Variants in MTO1 observed in about 807,000 individuals in gnomAD.
MTO1 encodes mitochondrial tRNA translation optimization 1.
A neutral mutation model predicts 71.6 loss-of-function variants in MTO1; 46 were observed. The ratio of observed to expected loss-of-function variants is 0.64; its 90% confidence interval spans 0.51 to 0.82. The LOEUF is 0.82. Among genes scored for constraint, MTO1 ranks in the 40% least tolerant of loss-of-function variants. The pLI is 0.00. For synonymous variants in MTO1, 297 were observed against 312.1 expected, an observed-to-expected ratio of 0.95 and a Z score of 0.51; for missense variants, 773 against 867.5, an observed-to-expected ratio of 0.89 and a Z score of 1.37.
intron 4 of MTO1, among the ~76,000 whole-genome samples, chr6:73,474,302 C>G (rs1289791400): frequency 6.6e-6 from 1 of 151,076 alleles, no homozygotes; most frequent in Non-Finnish European, 1.5e-5. Context: ...CCAGGCTGGT[C>G]TCGAACTCCT....
At position 73,462,000 on chromosome 6, in the gene MTO1, C is replaced by T. The variant is rs753822562; in HGVS notation, c.146C>T (p.Thr49Ile). Residue 49 changes from threonine (T) to isoleucine (I), a missense_variant, in exon 1 of 12, where the codon ACT becomes ATT. Thr to Ile is a moderately conservative substitution (Grantham distance 89). Coordinates refer to ENST00000498286, the MANE Select transcript of MTO1 (RefSeq NM_012123.4). ...GTCATTGGTGGAGGACATGCCGGGA[C>T]TGAGGCAGCCACCGCCGCCGCTCGG... is the stretch of plus-strand genomic sequence containing the variant. ...VIVIGGGHAG[T>I]EAATAAARCG... is the part of the protein sequence containing the mutation. 1.2e-5 allele frequency: 19 copies of T among 1,613,900 alleles called. No homozygotes were observed. The highest frequency in any genetic ancestry group is 1.6e-5 in the Non-Finnish European group (19 of 1,179,946).
At chr6:73,500,422 C>A in intron 11 of MTO1, 152 bp from the exon 12 acceptor site, 1 of 583,784 alleles carries the variant, frequency 1.7e-6, no homozygotes, top group Non-Finnish European at 2.6e-6. Context: ...CCTTTATCTA[C>A]TTTACAAGGA....
chr6:73,496,447 A>T lies in MTO1; in HGVS notation c.1757-1289A>T, dbSNP rs574293064. Reference sequence around the variant, plus strand: ...TTAAAATTTATAGCTCTATATGAAGATAATTTAAAAAACCATTTTCTTTTT... The same window carrying T: ...TTAAAATTTATAGCTCTATATGAAGTTAATTTAAAAAACCATTTTCTTTTT... On this transcript the variant is annotated intron_variant, in intron 10 of 11. Coordinates refer to ENST00000498286, the MANE Select transcript of MTO1 (RefSeq NM_012123.4). 4.6e-5 allele frequency among the ~76,000 whole-genome samples: 7 copies of T among 151,948 alleles called. No individual in the cohort carries two copies. The South Asian group carries it at 1.3e-3, about 27-fold the overall frequency.
At position 73,461,948 on chromosome 6, in the gene MTO1, C is replaced by T. The variant is rs372395838; in HGVS notation, c.94C>T (p.Pro32Ser). Residue 32 changes from proline to serine, a missense_variant, in exon 1 of 12, where the codon CCC (proline) becomes TCC (serine). Coordinates refer to ENST00000498286, the MANE Select transcript of MTO1 (RefSeq NM_012123.4). ...LARLSSDSAAPRTPHFDVIVI... is the reference protein window; with the variant it reads ...LARLSSDSAASRTPHFDVIVI... Reference sequence around the variant, plus strand: ...ACGGTTGAGCAGTGACAGCGCGGCGCCCCGGACTCCGCACTTCGACGTGAT... The same window carrying T: ...ACGGTTGAGCAGTGACAGCGCGGCGTCCCGGACTCCGCACTTCGACGTGAT... The T allele has an allele frequency of 5.1e-5, 83 of 1,614,140 alleles. No individual in the cohort carries two copies. Among genetic ancestry groups the T allele is most frequent in the Non-Finnish European group, 6.2e-5 (73 of 1,180,048 alleles).
intron 4 of MTO1, among the ~76,000 whole-genome samples, chr6:73,477,541 G>A (rs1771361546): frequency 1.4e-5 from 2 of 139,918 alleles, no homozygotes; most frequent in African/African-American, 2.7e-5. Context: ...GGATCTCACT[G>A]TGTTGCCCAG....
chr6:73,474,453 C>CT (rs935007056), intron 4 of MTO1, among the ~76,000 whole-genome samples: 11 of 151,882 alleles, frequency 7.2e-5, no homozygotes, highest in East Asian at 3.9e-4. Context: ...TCGTAAATTT[C>CT]TTTTTTTTGT....
chr6:73,465,316 G>T (rs1266402524), intron 1 of MTO1, among the ~76,000 whole-genome samples: 1 of 151,730 alleles, frequency 6.6e-6, no homozygotes, highest in Non-Finnish European at 1.5e-5. Flanking sequence ...GGTGCAAACT[G>T]CCATGCCTGG....
At position 73,506,524 on chromosome 6, in the gene MTO1, A is replaced by G. The variant is rs1254597212; in HGVS notation, c.*5789A>G. On this transcript the variant is annotated 3_prime_UTR_variant, in exon 12 of 12. Coordinates refer to ENST00000498286, the MANE Select transcript of MTO1 (RefSeq NM_012123.4). ...TCATTTTCTCTTGCCACTCCCATGT[A>G]AGAAGTGCCTTTCGCCTCCCGCCAA... is the stretch of plus-strand genomic sequence containing the variant. The G allele has an allele frequency of 6.3e-6, 1 of 157,848 alleles. No individual in the cohort carries two copies. Among genetic ancestry groups the G allele is most frequent in the Non-Finnish European group, 1.4e-5 (1 of 72,584 alleles). 9.8% of individuals were successfully genotyped at this position (157,848 alleles called of 1,614,324 possible).
intron 1 of MTO1, among the ~76,000 whole-genome samples, chr6:73,464,382 C>G (rs1770915844): frequency 6.6e-6 from 1 of 152,060 alleles, no homozygotes. Context: ...AGTGGTAGGT[C>G]TAGAAATTGA....
At chr6:73,484,893 A>G (rs1771607883) in intron 9 of MTO1, among the ~76,000 whole-genome samples, 1 of 152,018 alleles carries the variant, frequency 6.6e-6, no homozygotes, top group Admixed American at 6.6e-5. Flanking sequence ...CTAAAAATAC[A>G]AAAATTAGCC....
chr6:73,466,504 A>G lies in MTO1; in HGVS notation c.433A>G (p.Thr145Ala), dbSNP rs747033959. 2 of 1,614,048 alleles carry G rather than the reference A, an allele frequency of 1.2e-6. No homozygotes were observed. Among genetic ancestry groups the G allele is most frequent in the African/African-American group, 2.7e-5 (2 of 74,942 alleles). ...KQNMQKEILN[T>A]PLLTVQEGAV... ...CTTTTGACAGAAAGAAATCTTGAAT[A>G]CACCACTGCTTACTGTTCAGGAGGG... The change falls in exon 3 of 12, where the codon ACA becomes GCA. Residue 145 changes from threonine to alanine, a missense_variant. Transcript: ENST00000498286.
Position 73,473,355 on chromosome 6 carries a change from T to G in MTO1, c.536-10T>G, listed in dbSNP as rs572893491. On this transcript the variant is annotated splice_polypyrimidine_tract_variant and intron_variant, in intron 3 of 11. Transcript: ENST00000498286. ...AGATAATGACTTTATTCTTTTTTCTTGTTATTTAGTGGATGGAAGCACAGT... is the reference window on the plus strand; with the variant it reads ...AGATAATGACTTTATTCTTTTTTCTGGTTATTTAGTGGATGGAAGCACAGT... 15 of 1,593,754 alleles carry G rather than the reference T, an allele frequency of 9.4e-6. No individual in the cohort carries two copies. Among genetic ancestry groups the G allele is most frequent in the Non-Finnish European group, 1.3e-5 (15 of 1,169,412 alleles).
intron 11 of MTO1, among the ~76,000 whole-genome samples, chr6:73,498,219 A>G (rs756610265): frequency 2.6e-5 from 4 of 152,006 alleles, no homozygotes; most frequent in Non-Finnish European, 5.9e-5. Flanking sequence ...TCAAAAAAAA[A>G]AGAAACTTGA....
intron 9 of MTO1, among the ~76,000 whole-genome samples, chr6:73,485,450 T>A (rs970373492): frequency 5.9e-5 from 9 of 151,884 alleles, no homozygotes; most frequent in African/African-American, 2.2e-4. Flanking sequence ...TCTTTTTTTT[T>A]TTTTTTGAGA....
chr6:73,505,567 T>C lies in MTO1; in HGVS notation c.*4832T>C, dbSNP rs12174387. On this transcript the variant is annotated 3_prime_UTR_variant, in exon 12 of 12. Coordinates refer to ENST00000498286, the MANE Select transcript of MTO1 (RefSeq NM_012123.4). ...AGTTTTTTTGTTTTGTTTTTGTTTTTGTTTTTGAGATGGAGCCTCACACTG... is the reference window on the plus strand; with the variant it reads ...AGTTTTTTTGTTTTGTTTTTGTTTTCGTTTTTGAGATGGAGCCTCACACTG... The C allele has an allele frequency of 6.1e-5, 7 of 115,592 alleles. No homozygotes were observed. Among genetic ancestry groups the C allele is most frequent in the Admixed American group, 3.2e-4 (4 of 12,396 alleles). The allele number at this position is 115,592 out of a possible 1,614,324, so 7.2% of individuals were successfully genotyped here.
At chr6:73,489,299 T>C (rs988950659) in intron 9 of MTO1, among the ~76,000 whole-genome samples, 1 of 150,336 alleles carries the variant, frequency 6.7e-6, no homozygotes, top group African/African-American at 2.4e-5. Flanking sequence ...TTGTATATTA[T>C]TATACTTTTA....
chr6:73,464,553 G>T (rs1770920011), intron 1 of MTO1, among the ~76,000 whole-genome samples: 1 of 151,828 alleles, frequency 6.6e-6, no homozygotes, highest in African/African-American at 2.4e-5. Context: ...GCAAAGGCGG[G>T]CAAATCACCT....
intron 9 of MTO1, among the ~76,000 whole-genome samples, chr6:73,490,082 G>A (rs910990116): frequency 1.3e-5 from 2 of 152,150 alleles, no homozygotes; most frequent in Admixed American, 6.6e-5. Flanking sequence ...CTGCGTAAAT[G>A]TCTTCTTTTG....
At chr6:73,497,213 C>T (rs916390645) in intron 10 of MTO1, among the ~76,000 whole-genome samples, 4 of 115,978 alleles carry the variant, frequency 3.4e-5, no homozygotes, top group Middle Eastern at 8.8e-3. Flanking sequence ...AGTGCAATAG[C>T]GCTATATCGG....
Sources: gnomAD v4.1 joint callset for allele counts (sites outside exome capture counted in the v4.1 genomes callset) on GRCh38, gnomAD v4.1.1 for gene constraint, MANE v1.5 for transcripts, NCBI Gene and HGNC (gene_info 2026-07-23, HGNC 2026-07-21) for gene names.